Variants in PCDH15 observed in about 807,000 individuals in gnomAD.
PCDH15 encodes the protein protocadherin related 15, also known as protocadherin-15.
PCDH15 carries 129 observed loss-of-function variants against 178.5 expected under a neutral mutation model. That is an observed-to-expected ratio of 0.72 (90% CI 0.63 to 0.84). The LOEUF (loss-of-function observed/expected upper bound fraction) is 0.84, where lower values mean the gene tolerates loss of function less well. PCDH15 is among the 40% of genes least tolerant of loss of function. PCDH15 has a pLI of 0.00. For missense variants in PCDH15, 2,230 were observed against 2,099.9 expected, an observed-to-expected ratio of 1.06 and a Z score of -1.21; for synonymous variants, 800 against 732.0, an observed-to-expected ratio of 1.09 and a Z score of -1.50.
At chr10:55,253,293 T>A (rs1277847506) in intron 1 of PCDH15, among the ~76,000 whole-genome samples, 2 of 151,624 alleles carry the variant, frequency 1.3e-5, no homozygotes, top group Non-Finnish European at 2.9e-5. Context: ...AACTTAAAGT[T>A]TAACCAAACC....
chr10:55,050,951 C>A (rs1841146860), intron 2 of PCDH15, among the ~76,000 whole-genome samples: 1 of 152,026 alleles, frequency 6.6e-6, no homozygotes, highest in Non-Finnish European at 1.5e-5. Flanking sequence ...GTATGAAGTG[C>A]TTTTCCATAA....
At chr10:54,710,509 T>G (rs547418639) in intron 1 of PCDH15, among the ~76,000 whole-genome samples, 1 of 152,134 alleles carries the variant, frequency 6.6e-6, no homozygotes, top group East Asian at 1.9e-4. Flanking sequence ...ATTAGCCTAT[T>G]TATTTTCTAC....
intron 1 of PCDH15, among the ~76,000 whole-genome samples, chr10:55,253,579 T>C (rs1841904237): frequency 6.6e-6 from 1 of 152,002 alleles, no homozygotes; most frequent in African/African-American, 2.4e-5. Context: ...CAATGTGCCA[T>C]TGTGCATTTT....
At chr10:54,899,785 G>A (rs1361113564) in intron 2 of PCDH15, among the ~76,000 whole-genome samples, 4 of 151,974 alleles carry the variant, frequency 2.6e-5, no homozygotes, top group Non-Finnish European at 4.4e-5. Context: ...ATGAGCCACC[G>A]TGCCCGACCA....
At chr10:54,325,093 G>A (rs1306341963) in intron 7 of PCDH15, among the ~76,000 whole-genome samples, 4 of 151,902 alleles carry the variant, frequency 2.6e-5, no homozygotes, top group African/African-American at 9.7e-5. Flanking sequence ...TCAATAGCAT[G>A]GGTGACAATA....
At chr10:54,344,904 C>CAAAAAAAAAAAAAAAAAAAA (rs57295345) in intron 6 of PCDH15, among the ~76,000 whole-genome samples, 6 of 78,882 alleles carry the variant, frequency 7.6e-5, no homozygotes, top group Non-Finnish European at 1.4e-4. Context: ...AGAAACAAAG[C>CAAAAAAAAAAAAAAAAAAAA]AAAAAAAAAA....
At chr10:55,256,191 A>G (rs1419394656) in intron 1 of PCDH15, among the ~76,000 whole-genome samples, 2 of 152,220 alleles carry the variant, frequency 1.3e-5, no homozygotes, top group East Asian at 3.8e-4. Context: ...TCCCAGCACC[A>G]TTTATTAAAT....
chr10:55,152,820 A>C (rs1838769491), intron 2 of PCDH15, among the ~76,000 whole-genome samples: 1 of 152,206 alleles, frequency 6.6e-6, no homozygotes, highest in South Asian at 2.1e-4. Flanking sequence ...ACTTAAATTC[A>C]ATGACTATAT....
intron 2 of PCDH15, among the ~76,000 whole-genome samples, chr10:55,624,897 G>T (rs968416795): frequency 6.6e-5 from 10 of 151,992 alleles, no homozygotes; most frequent in African/African-American, 2.4e-4. Context: ...TGGAAATGAA[G>T]AAATTTACTA....
At chr10:55,546,302 A>G (rs76874827) in intron 2 of PCDH15, among the ~76,000 whole-genome samples, 3,026 of 152,234 alleles carry the variant, frequency 0.02, 110 homozygotes, top group African/African-American at 0.069. Context: ...TGAGTTAGTG[A>G]AAGAATACAA....
chr10:55,581,041 T>C (rs975156497), intron 2 of PCDH15, among the ~76,000 whole-genome samples: 4 of 152,210 alleles, frequency 2.6e-5, no homozygotes, highest in African/African-American at 9.6e-5. Flanking sequence ...GAGTCAGTGA[T>C]TCCTTTGGAA....
intron 2 of PCDH15, among the ~76,000 whole-genome samples, chr10:55,018,025 A>T (rs1840225468): frequency 6.6e-6 from 1 of 152,250 alleles, no homozygotes; most frequent in East Asian, 1.9e-4. Context: ...TTTAACATTT[A>T]TATTTGTACT....
intron 2 of PCDH15, among the ~76,000 whole-genome samples, chr10:55,608,792 T>TC (rs1843290031): frequency 1.3e-5 from 2 of 152,108 alleles, no homozygotes; most frequent in Middle Eastern, 3.4e-3. Flanking sequence ...CAGTGTGGGA[T>TC]AAGAAAGCAA....
chr10:54,835,089 T>G (rs895455804), intron 3 of PCDH15, among the ~76,000 whole-genome samples: 2 of 152,146 alleles, frequency 1.3e-5, no homozygotes, highest in African/African-American at 4.8e-5. Flanking sequence ...TCAGTGCTCT[T>G]ATAGTCTAAA....
At chr10:55,117,227 G>C (rs1230547530) in intron 2 of PCDH15, among the ~76,000 whole-genome samples, 1 of 152,096 alleles carries the variant, frequency 6.6e-6, no homozygotes, top group African/African-American at 2.4e-5. Flanking sequence ...CCCCTACAAG[G>C]GAAATAAAGG....
At chr10:54,586,984 G>A (rs974554278) in intron 2 of PCDH15, among the ~76,000 whole-genome samples, 2 of 151,852 alleles carry the variant, frequency 1.3e-5, no homozygotes. Flanking sequence ...TTTTTTTTAA[G>A]GAGATGAAAA....
At chr10:54,820,336 T>C (rs1312897123) in intron 3 of PCDH15, among the ~76,000 whole-genome samples, 1 of 152,172 alleles carries the variant, frequency 6.6e-6, no homozygotes, top group East Asian at 1.9e-4. Context: ...TAGAGTACAT[T>C]GACATTCCTT....
At chr10:54,947,200 A>G (rs909421424) in intron 2 of PCDH15, among the ~76,000 whole-genome samples, 8 of 151,948 alleles carry the variant, frequency 5.3e-5, no homozygotes, top group Non-Finnish European at 8.8e-5. Context: ...AGTACTTACC[A>G]TAACTCAGCA....
chr10:53,978,132 G>A (rs904554760), intron 21 of PCDH15, among the ~76,000 whole-genome samples: 5 of 152,146 alleles, frequency 3.3e-5, no homozygotes, highest in Non-Finnish European at 7.4e-5. Context: ...GCTCCACTAG[G>A]CAGTGCACCA....
Sources: gnomAD v4.1 joint callset for allele counts (sites outside exome capture counted in the v4.1 genomes callset) on GRCh38, gnomAD v4.1.1 for gene constraint, MANE v1.5 for transcripts, NCBI Gene and HGNC (gene_info 2026-07-23, HGNC 2026-07-21) for gene names.